The following ADAMTS9 variants were observed in gnomAD, a reference collection of about 807,000 sequenced individuals.
The protein encoded by ADAMTS9 is ADAM metallopeptidase with thrombospondin type 1 motif 9.
A neutral mutation model predicts 257.1 loss-of-function variants in ADAMTS9; 107 were observed. That is an observed-to-expected ratio of 0.42 (90% CI 0.36 to 0.49). The LOEUF (loss-of-function observed/expected upper bound fraction) is 0.49, where lower values mean the gene tolerates loss of function less well. Ranked by LOEUF, ADAMTS9 falls within the 20% of genes least tolerant of loss-of-function variation. ADAMTS9 has a pLI of 0.03. For synonymous variants in ADAMTS9, 982 were observed against 880.9 expected, an observed-to-expected ratio of 1.11 and a Z score of -2.03; for missense variants, 2,353 against 2,469.1, an observed-to-expected ratio of 0.95 and a Z score of 1.00.
At position 64,551,007 on chromosome 3, in the gene ADAMTS9, T is replaced by C; in HGVS notation, c.4754A>G (p.Asp1585Gly). 1 of 1,614,212 alleles carries C rather than the reference T, an allele frequency of 6.2e-7. No individual in the cohort carries two copies. Among genetic ancestry groups the C allele is most frequent in the Non-Finnish European group, 8.5e-7 (1 of 1,180,030 alleles). Residue 1585 changes from aspartate (D) to glycine (G), a missense_variant, in exon 31 of 40, where the codon GAC becomes GGC. Around this residue, in one of 3 missense-constraint regions of ADAMTS9, gnomAD observed 1,402 missense variants for 1,441.4 expected, o/e 0.97. Coordinates refer to ENST00000498707, the MANE Select transcript of ADAMTS9 (RefSeq NM_182920.2). ...SRYRKVVCVD[D>G]NKNEVHGARC... ...TGCCCCATGCACCTCGTTTTTGTTG[T>C]CATCCACACACACCACCTTGCGGTA...
chr3:64,546,809 G>A lies in ADAMTS9; in HGVS notation c.5013C>T (p.Tyr1671=), dbSNP rs2083206007. Reference sequence around the variant, plus strand: ...TGGCCGAGACAGGGCAGTCCCTCAGGTAACAGGGGTGAACACTGGGGGGCT... The same window carrying A: ...TGGCCGAGACAGGGCAGTCCCTCAGATAACAGGGGTGAACACTGGGGGGCT... ...GTQPPSVHPC[Y]LRDCPVSATW... Residue 1671 remains tyrosine, a synonymous_variant, in exon 32 of 40, where the codon TAC becomes TAT. Coordinates refer to ENST00000498707, the MANE Select transcript of ADAMTS9 (RefSeq NM_182920.2). 3.7e-6 allele frequency: 6 copies of A among 1,613,682 alleles called. No individual in the cohort carries two copies. In the East Asian group the frequency reaches 8.9e-5, roughly 24 times the overall value.
intron 14 of ADAMTS9, among the ~76,000 whole-genome samples, chr3:64,632,885 G>A (rs149030243): frequency 1.2e-3 from 181 of 151,554 alleles, no homozygotes; most frequent in Admixed American, 2.0e-3. Flanking sequence ...GAGCCCAACC[G>A]GGTTAGGAAT....
intron 26 of ADAMTS9, among the ~76,000 whole-genome samples, chr3:64,599,914 G>T (rs773967031): frequency 2.0e-5 from 3 of 152,172 alleles, no homozygotes; most frequent in Non-Finnish European, 4.4e-5. Context: ...CAGCTGAAAA[G>T]ATTTATTATC....
intron 28 of ADAMTS9, chr3:64,588,291 G>A (rs1317576746): frequency 6.6e-6 from 1 of 152,068 alleles, no homozygotes; most frequent in African/African-American, 2.4e-5. Flanking sequence ...GTTTAGTATT[G>A]ATTTAATACT....
At chr3:64,567,805 A>C (rs962470089) in intron 29 of ADAMTS9, among the ~76,000 whole-genome samples, 16 of 151,952 alleles carry the variant, frequency 1.1e-4, no homozygotes, top group African/African-American at 3.4e-4. Context: ...TCATGATTGC[A>C]TTAAATCGTC....
chr3:64,521,059 A>G (rs182884813), intron 39 of ADAMTS9, among the ~76,000 whole-genome samples: 1 of 152,232 alleles, frequency 6.6e-6, no homozygotes, highest in Admixed American at 6.5e-5. Flanking sequence ...TGATAAAGGA[A>G]TAATATCCAG....
At position 64,621,163 on chromosome 3, in the gene ADAMTS9, G is replaced by A; in HGVS notation, c.2764C>T (p.Pro922Ser). 6.2e-7 allele frequency: 1 copy of A among 1,613,742 alleles called. No homozygotes were observed. The highest frequency in any genetic ancestry group is 1.1e-5 in the South Asian group (1 of 91,078). Residue 922 changes from proline (P) to serine (S), a missense_variant, in exon 19 of 40, where the codon CCC (proline) becomes TCC (serine). Transcript: ENST00000498707. ...GGTTCAGTAATGTGTCCAGGCTGGG[G>A]CAGCCGATCGCATCTTTGATCAGAA... ...TVSDQRCDRL[P>S]QPGHITEPCG... is the part of the protein sequence containing the mutation.
At chr3:64,654,857 A>G (rs1040481487) in intron 6 of ADAMTS9, among the ~76,000 whole-genome samples, 1 of 152,208 alleles carries the variant, frequency 6.6e-6, no homozygotes, top group African/African-American at 2.4e-5. Context: ...GCAGTAAGAA[A>G]TCTCTCCAAC....
At chr3:64,562,093 A>C (rs935793381) in intron 29 of ADAMTS9, among the ~76,000 whole-genome samples, 1 of 152,190 alleles carries the variant, frequency 6.6e-6, no homozygotes, top group African/African-American at 2.4e-5. Flanking sequence ...TGAAAACTTG[A>C]AATGATTTCT....
At chr3:64,632,838 A>AAC (rs1553711905) in intron 14 of ADAMTS9, among the ~76,000 whole-genome samples, 18 of 151,882 alleles carry the variant, frequency 1.2e-4, no homozygotes, top group Admixed American at 3.3e-4. Flanking sequence ...CAAAAAAAAA[A>AAC]AAACAAACAA....
chr3:64,524,533 G>A (rs1322652162), intron 38 of ADAMTS9, among the ~76,000 whole-genome samples: 2 of 152,154 alleles, frequency 1.3e-5, no homozygotes, highest in Non-Finnish European at 2.9e-5. Context: ...CACTAATTAA[G>A]CGAAATATTT....
At chr3:64,523,920 TG>T (rs1226006045) in intron 38 of ADAMTS9, among the ~76,000 whole-genome samples, 1 of 152,240 alleles carries the variant, frequency 6.6e-6, no homozygotes, top group Non-Finnish European at 1.5e-5. Flanking sequence ...TTAATGGCTC[TG>T]AATATTAGCT....
chr3:64,548,480 A>C (rs1253062240), intron 31 of ADAMTS9, among the ~76,000 whole-genome samples: 1 of 152,182 alleles, frequency 6.6e-6, no homozygotes, highest in Non-Finnish European at 1.5e-5. Context: ...CCAGTGTTGC[A>C]TGCATTGACA....
intron 28 of ADAMTS9, among the ~76,000 whole-genome samples, chr3:64,571,733 C>G (rs1235211311): frequency 1.3e-5 from 2 of 152,162 alleles, no homozygotes; most frequent in African/African-American, 4.8e-5. Context: ...TCTTTTAATG[C>G]TTTCTAACTT....
At chr3:64,588,724 C>T (rs2084206327) in intron 28 of ADAMTS9, 1 of 152,268 alleles carries the variant, frequency 6.6e-6, no homozygotes, top group South Asian at 2.1e-4. Context: ...AAAATAGAAC[C>T]TGTCAAGCTA....
At chr3:64,558,379 C>G (rs993722019) in intron 30 of ADAMTS9, among the ~76,000 whole-genome samples, 1 of 152,156 alleles carries the variant, frequency 6.6e-6, no homozygotes, top group East Asian at 1.9e-4. Flanking sequence ...CTAAATGAAG[C>G]ACTTCATGTG....
chr3:64,553,272 A>G (rs1288899135), intron 30 of ADAMTS9, among the ~76,000 whole-genome samples: 3 of 152,068 alleles, frequency 2.0e-5, no homozygotes, highest in South Asian at 2.1e-4. Flanking sequence ...AGATTTGCCT[A>G]TTCTGGGTAT....
At chr3:64,620,977 T>C (rs956351909) in intron 19 of ADAMTS9, 137 bp downstream of exon 19, 1 of 1,085,236 alleles carries the variant, frequency 9.2e-7, no homozygotes. Context: ...GATGGAGAAT[T>C]GGTTAAAGCT....
At chr3:64,626,061 C>T (rs551750050) in intron 16 of ADAMTS9, among the ~76,000 whole-genome samples, 1 of 152,156 alleles carries the variant, frequency 6.6e-6, no homozygotes, top group African/African-American at 2.4e-5. Context: ...ATTACTTAAC[C>T]TCTCCAAGCC....
Sources: allele counts gnomAD v4.1 joint callset (sites outside exome capture counted in the v4.1 genomes callset), GRCh38; gene constraint gnomAD v4.1.1; regional missense constraint gnomAD v4.1.1; transcripts MANE v1.5; gene names NCBI Gene and HGNC (gene_info 2026-07-23, HGNC 2026-07-21).